Variants in RARB observed in about 807,000 individuals in gnomAD.
The protein encoded by RARB is HBV-activated protein.
A neutral mutation model predicts 51.9 loss-of-function variants in RARB; 17 were observed. That is an observed-to-expected ratio of 0.33 (90% confidence interval 0.22 to 0.49). The LOEUF (loss-of-function observed/expected upper bound fraction) is 0.49. Ranked by LOEUF, RARB falls within the 20% of genes least tolerant of loss-of-function variation. The pLI is 0.99. For missense variants in RARB, 369 were observed against 550.8 expected, an observed-to-expected ratio of 0.67 and a Z score of 3.30; for synonymous variants, 215 against 195.4, an observed-to-expected ratio of 1.10 and a Z score of -0.84.
At chr3:25,437,636 C>A (rs551268033) in intron 1 of RARB, among the ~76,000 whole-genome samples, 2 of 152,298 alleles carry the variant, frequency 1.3e-5, no homozygotes, top group African/African-American at 4.8e-5. Flanking sequence ...TAAGAACTGC[C>A]AAGAACCACA....
chr3:25,036,630 C>A (rs1698000200), intron 2 of RARB, among the ~76,000 whole-genome samples: 1 of 152,166 alleles, frequency 6.6e-6, no homozygotes, highest in South Asian at 2.1e-4. Context: ...AACCCCAGAA[C>A]TGGCCACCTG....
At chr3:24,946,929 G>A (rs1457405377) in intron 2 of RARB, among the ~76,000 whole-genome samples, 1 of 152,194 alleles carries the variant, frequency 6.6e-6, no homozygotes, top group East Asian at 1.9e-4. Context: ...AGATAGGCAT[G>A]AATCTCAGCA....
intron 5 of RARB, among the ~76,000 whole-genome samples, chr3:25,400,923 T>C (rs1382272277): frequency 6.6e-6 from 1 of 151,898 alleles, no homozygotes; most frequent in Non-Finnish European, 1.5e-5. Context: ...TGTAAATCTG[T>C]TTTTAAGGTA....
intron 5 of RARB, among the ~76,000 whole-genome samples, chr3:25,333,328 C>G (rs538874596): frequency 2.6e-5 from 4 of 152,216 alleles, no homozygotes; most frequent in South Asian, 4.1e-4. Context: ...CCAAAACAGA[C>G]ATATAGACCA....
chr3:25,363,337 G>A (rs562042475), intron 5 of RARB, among the ~76,000 whole-genome samples: 7 of 152,124 alleles, frequency 4.6e-5, no homozygotes, highest in Non-Finnish European at 8.8e-5. Flanking sequence ...ACATTATCTG[G>A]AGCTCAACTC....
chr3:25,080,633 T>G (rs753022154), intron 3 of RARB, among the ~76,000 whole-genome samples: 1 of 152,206 alleles, frequency 6.6e-6, no homozygotes, highest in African/African-American at 2.4e-5. Context: ...TATAGATCAT[T>G]GAGGTTTTTA....
chr3:25,273,897 A>C (rs572340670), intron 5 of RARB, among the ~76,000 whole-genome samples: 1 of 152,224 alleles, frequency 6.6e-6, no homozygotes, highest in Non-Finnish European at 1.5e-5. Context: ...GCAGGCCCCA[A>C]CTTGGTGTTC....
At chr3:25,366,881 G>A (rs577441764) in intron 5 of RARB, among the ~76,000 whole-genome samples, 1 of 152,144 alleles carries the variant, frequency 6.6e-6, no homozygotes, top group South Asian at 2.1e-4. Flanking sequence ...TACTTGCAGA[G>A]TGGTGAACAT....
At chr3:25,407,469 A>G (rs1362818623) in intron 5 of RARB, among the ~76,000 whole-genome samples, 1 of 152,196 alleles carries the variant, frequency 6.6e-6, no homozygotes, top group Non-Finnish European at 1.5e-5. Flanking sequence ...TTCTCAATTA[A>G]AGGCACAATA....
At chr3:25,339,362 T>C (rs151246470) in intron 5 of RARB, among the ~76,000 whole-genome samples, 44 of 152,296 alleles carry the variant, frequency 2.9e-4, no homozygotes, top group African/African-American at 9.9e-4. Context: ...AGCCAGCTGT[T>C]TGAACCATGT....
At chr3:24,919,431 T>C (rs1254161715) in intron 2 of RARB, among the ~76,000 whole-genome samples, 1 of 152,214 alleles carries the variant, frequency 6.6e-6, no homozygotes, top group Non-Finnish European at 1.5e-5. Context: ...TTTTGGCTAA[T>C]CAAAGATGGC....
At chr3:25,027,100 C>G (rs1697765483) in intron 2 of RARB, among the ~76,000 whole-genome samples, 1 of 152,124 alleles carries the variant, frequency 6.6e-6, no homozygotes, top group African/African-American at 2.4e-5. Flanking sequence ...AGTTATGTAG[C>G]CCTTAAGTAG....
chr3:24,866,045 A>C (rs1702841893), intron 2 of RARB, among the ~76,000 whole-genome samples: 4 of 152,128 alleles, frequency 2.6e-5, no homozygotes, highest in African/African-American at 9.7e-5. Flanking sequence ...ATTGGTCCTG[A>C]ATGCCACAGG....
At chr3:25,596,313 G>A in intron 7 of RARB, 107 bp from the exon 8 acceptor site, 2 of 899,180 alleles carry the variant, frequency 2.2e-6, no homozygotes, top group Non-Finnish European at 3.4e-6. Context: ...TCCTAAGCAA[G>A]AATCTTAGGA....
chr3:25,550,343 A>G (rs1358594730), intron 3 of RARB, among the ~76,000 whole-genome samples: 3 of 152,182 alleles, frequency 2.0e-5, no homozygotes, highest in African/African-American at 7.2e-5. Context: ...TAGGTGGCTT[A>G]TAAATAACAG....
At chr3:24,876,597 T>C (rs944704149) in intron 2 of RARB, among the ~76,000 whole-genome samples, 2 of 152,128 alleles carry the variant, frequency 1.3e-5, no homozygotes, top group African/African-American at 4.8e-5. Flanking sequence ...ACTCTAGAAA[T>C]ATGTCTTGAT....
intron 3 of RARB, among the ~76,000 whole-genome samples, chr3:25,073,181 A>C (rs1386861363): frequency 6.6e-6 from 1 of 152,178 alleles, no homozygotes; most frequent in African/African-American, 2.4e-5. Flanking sequence ...GAGTAATACA[A>C]AGGGAATATC....
At chr3:25,140,321 C>G (rs1700089763) in intron 4 of RARB, among the ~76,000 whole-genome samples, 1 of 152,148 alleles carries the variant, frequency 6.6e-6, no homozygotes, top group African/African-American at 2.4e-5. Flanking sequence ...GGGAGGAAGT[C>G]AAAATACCCA....
At chr3:25,117,786 A>G (rs1214020793) in intron 3 of RARB, among the ~76,000 whole-genome samples, 1 of 152,174 alleles carries the variant, frequency 6.6e-6, no homozygotes. Context: ...CACCAGGGGA[A>G]AAATACACCA....
Sources: gnomAD v4.1 joint callset for allele counts (sites outside exome capture counted in the v4.1 genomes callset) on GRCh38, gnomAD v4.1.1 for gene constraint, MANE v1.5 for transcripts, NCBI Gene and HGNC (gene_info 2026-07-23, HGNC 2026-07-21) for gene names.